SMG5: variants seen among roughly 807,000 people sequenced by gnomAD.
SMG5 encodes SMG5 nonsense mediated mRNA decay factor, also known as nonsense-mediated mRNA decay factor SMG5.
SMG5 carries 53 observed loss-of-function variants against 122.9 expected under a neutral mutation model. The ratio of observed to expected loss-of-function variants is 0.43; its 90% CI spans 0.35 to 0.54. The LOEUF (loss-of-function observed/expected upper bound fraction) is 0.54, where lower values mean the gene tolerates loss of function less well. SMG5 is among the 20% of genes least tolerant of loss of function. The probability of loss-of-function intolerance (pLI) is 0.01; values close to 1 mark genes in which losing one functional copy is unlikely to be tolerated. For missense variants in SMG5, 1,153 were observed against 1,285.6 expected, an observed-to-expected ratio of 0.90 and a Z score of 1.58; for synonymous variants, 477 against 490.2, an observed-to-expected ratio of 0.97 and a Z score of 0.35.
In SMG5 at chr1:156,249,973, C is replaced by G. The variant is rs973406193; in HGVS notation, c.*614G>C. On this transcript the variant is annotated 3_prime_UTR_variant, in exon 22 of 22. Coordinates refer to ENST00000361813, the MANE Select transcript of SMG5 (RefSeq NM_015327.3). ...GCAGCCCCTGCAGCAGGAGGAGGAG[C>G]ACACGAACCCTGACCCTGCTACTCG... is the stretch of plus-strand genomic sequence containing the variant. 28 of 470,024 alleles carry G rather than the reference C, an allele frequency of 6.0e-5. No individual in the cohort carries two copies. Among genetic ancestry groups the G allele is most frequent in the Non-Finnish European group, 2.6e-5 (6 of 226,478 alleles). The allele number at this position is 470,024 out of a possible 1,614,324, so 29.1% of individuals were successfully genotyped here. A position where few individuals can be genotyped will look rare whatever the true frequency, so the allele number is the denominator to read the frequency against.
chr1:156,253,903 A>C (rs1299372227), intron 16 of SMG5: 1 of 286,258 alleles, frequency 3.5e-6, no homozygotes, highest in South Asian at 3.6e-5. Flanking sequence ...AAAATCTTCC[A>C]AATCTGCAGA....
intron 7 of SMG5, among the ~76,000 whole-genome samples, chr1:156,269,561 C>T (rs1057134781): frequency 2.0e-5 from 3 of 151,816 alleles, no homozygotes; most frequent in African/African-American, 4.8e-5. Context: ...ATGGTGAAAC[C>T]CTGTCTCTAC....
chr1:156,253,376 G>A, intron 17 of SMG5, 73 bp downstream of exon 17: 1 of 1,477,426 alleles, frequency 6.8e-7, no homozygotes, highest in Admixed American at 1.7e-5. Context: ...AGCGGAAGGG[G>A]GAGACCTGCC....
chr1:156,281,795 A>G (rs1662961255), intron 1 of SMG5, among the ~76,000 whole-genome samples: 3 of 152,188 alleles, frequency 2.0e-5, no homozygotes, highest in African/African-American at 4.8e-5. Flanking sequence ...TGACCTACCC[A>G]ACAAATTCTC....
chr1:156,258,873 C>G, intron 16 of SMG5, 132 bp downstream of exon 16: 1 of 1,120,718 alleles, frequency 8.9e-7, no homozygotes, highest in South Asian at 1.7e-5. Context: ...CTCCCAGCCT[C>G]CCCTCCCCTC....
chr1:156,250,947 C>G lies in SMG5; in HGVS notation c.2878G>C (p.Gly960Arg). 1 of 1,614,006 alleles carries G rather than the reference C, an allele frequency of 6.2e-7. No homozygotes were observed. The highest frequency in any genetic ancestry group is 8.5e-7 in the Non-Finnish European group (1 of 1,179,940). Residue 960 changes from glycine to arginine, a missense_variant, in exon 21 of 22, where the codon GGG becomes CGG. Transcript: ENST00000361813. ...DSCKQLTLAQ[G>R]AGEEDPSGMV... ...CCACTCGGATCCTCCTCACCTGCCC[C>G]CTGGGCCAGAGTCAGCTGTTTGCAG... is the stretch of plus-strand genomic sequence containing the variant.
chr1:156,286,658 G>A (rs911750722), upstream of SMG5, among the ~76,000 whole-genome samples: 7 of 152,156 alleles, frequency 4.6e-5, no homozygotes, highest in Middle Eastern at 3.2e-3. Context: ...GATGGAAGCC[G>A]ATTTCAGAGA....
At chr1:156,276,965 T>C (rs1194288398) in intron 4 of SMG5, 120 bp downstream of exon 4, 4 of 946,790 alleles carry the variant, frequency 4.2e-6, no homozygotes, top group East Asian at 2.5e-5. Flanking sequence ...ACCATTTGTA[T>C]GTAGTTCTGC....
Position 156,250,535 on chromosome 1 carries a change from G to C in SMG5, c.*52C>G. 6.6e-7 allele frequency: 1 copy of C among 1,505,786 alleles called. No individual in the cohort carries two copies. The highest frequency in any genetic ancestry group is 1.1e-5 in the South Asian group (1 of 88,774). The allele number at this position is 1,505,786 out of a possible 1,614,324, so 93.3% of individuals were successfully genotyped here. A position where few individuals can be genotyped will look rare whatever the true frequency, so the allele number is the denominator to read the frequency against. On this transcript the variant is annotated 3_prime_UTR_variant, in exon 22 of 22. Transcript: ENST00000361813. ...ACAGGTGCTGGTCCTGGCTGCCAGGGAGGGCAGGAGAGATCTGGAGTCAGC... is the reference window on the plus strand; with the variant it reads ...ACAGGTGCTGGTCCTGGCTGCCAGGCAGGGCAGGAGAGATCTGGAGTCAGC...
intron 1 of SMG5, among the ~76,000 whole-genome samples, chr1:156,282,346 C>A (rs3806408): frequency 0.24 from 36,653 of 151,998 alleles, 4,916 homozygotes; most frequent in Non-Finnish European, 0.29. Context: ...CCAACTCCAC[C>A]AAGCTTAGTG....
intron 1 of SMG5, 66 bp downstream of exon 1, chr1:156,282,541 A>G: frequency 4.5e-6 from 6 of 1,347,906 alleles, no homozygotes; most frequent in African/African-American, 1.5e-5. Flanking sequence ...CCCGCCCGGG[A>G]GGCCCCGCCC....
At chr1:156,250,711 CCTGAA>C in intron 21 of SMG5, 41 bp from the exon 22 acceptor site, 1 of 1,609,602 alleles carries the variant, frequency 6.2e-7, no homozygotes, top group Non-Finnish European at 8.5e-7. Context: ...GGTCTGACCT[CCTGAA>C]CTGAAGAGCA....
chr1:156,267,529 A>T lies in SMG5; in HGVS notation c.1058T>A (p.Leu353His). Reference sequence around the variant, plus strand: ...GATGATGACCATTTGAAAGATGAGAAGGTCCGGGAGGAAAGCATATCCACT... The same window carrying T: ...GATGATGACCATTTGAAAGATGAGATGGTCCGGGAGGAAAGCATATCCACT... ...YESGYAFLPD[L>H]LIFQMVIICL... Residue 353 changes from leucine (L) to histidine (H), a missense_variant, in exon 10 of 22, where the codon CTT (leucine) becomes CAT (histidine). This residue lies in a region of SMG5 where 631 missense variants were observed against 650.6 expected (regional missense o/e 0.97). Transcript: ENST00000361813. 6.2e-7 allele frequency: 1 copy of T among 1,614,168 alleles called. No homozygotes were observed. The highest frequency in any genetic ancestry group is 8.5e-7 in the Non-Finnish European group (1 of 1,180,036).
At chr1:156,282,544 C>T in intron 1 of SMG5, 63 bp downstream of exon 1, 1 of 1,524,208 alleles carries the variant, frequency 6.6e-7, no homozygotes. Context: ...GCCCGGGAGG[C>T]CCCGCCCCTC....
Position 156,282,796 on chromosome 1 carries a change from C to T in SMG5, c.-116G>A, listed in dbSNP as rs570974560. 1.8e-4 allele frequency: 208 copies of T among 1,184,476 alleles called. 2 individuals are homozygous for T. In the African/African-American group the frequency reaches 3.0e-3, roughly 17 times the overall value. The allele number at this position is 1,184,476 out of a possible 1,614,324, so 73.4% of individuals were successfully genotyped here. ...GCCGCCGCCACCGGCCCTGCTCGGC[C>T]GCCATCGCTGTGAGGCGGCTGCCCG... On this transcript the variant is annotated 5_prime_UTR_variant, in exon 1 of 22. Transcript: ENST00000361813.
chr1:156,253,837 C>G, intron 16 of SMG5: 1 of 369,500 alleles, frequency 2.7e-6, no homozygotes, highest in Non-Finnish European at 5.2e-6. Flanking sequence ...TCTGGTCTCC[C>G]TTCCCAGGAG....
chr1:156,274,901 A>G (rs561178962), intron 4 of SMG5, among the ~76,000 whole-genome samples: 1 of 152,244 alleles, frequency 6.6e-6, no homozygotes, highest in African/African-American at 2.4e-5. Flanking sequence ...AGGCAGATTC[A>G]TTCATAGGAC....
intron 15 of SMG5, among the ~76,000 whole-genome samples, chr1:156,259,600 G>A (rs1436851396): frequency 6.6e-6 from 1 of 152,122 alleles, no homozygotes; most frequent in East Asian, 1.9e-4. Flanking sequence ...TGTGATTACA[G>A]CTCACTGCAG....
chr1:156,289,341 A>T, the SMG5 span, among the ~76,000 whole-genome samples: 1 of 150,340 alleles, frequency 6.7e-6, no homozygotes, highest in African/African-American at 2.5e-5. Context: ...GGGTGTGGTG[A>T]TGGGCGCCTG....
Sources: allele counts gnomAD v4.1 joint callset (sites outside exome capture counted in the v4.1 genomes callset), GRCh38; gene constraint gnomAD v4.1.1; regional missense constraint gnomAD v4.1.1; transcripts MANE v1.5; gene names NCBI Gene and HGNC (gene_info 2026-07-23, HGNC 2026-07-21).